The following CFAP58 variants were observed in gnomAD, a reference collection of about 807,000 sequenced individuals.
CFAP58 encodes the protein cilia- and flagella-associated protein 58.
A neutral mutation model predicts 119.5 loss-of-function variants in CFAP58; 88 were observed. The ratio of observed to expected loss-of-function variants is 0.74; its 90% CI spans 0.62 to 0.88. CFAP58 has a LOEUF of 0.88. Among genes scored for constraint, CFAP58 ranks in the 40% least tolerant of loss-of-function variants. The pLI, the probability that CFAP58 is intolerant of heterozygous loss-of-function variation, is 0.00. For synonymous variants in CFAP58, 365 were observed against 366.3 expected, an observed-to-expected ratio of 1.00 and a Z score of 0.04; for missense variants, 990 against 1,021.2, an observed-to-expected ratio of 0.97 and a Z score of 0.42.
At chr10:104,436,633 C>A (rs2012939773) in intron 15 of CFAP58, among the ~76,000 whole-genome samples, 1 of 152,120 alleles carries the variant, frequency 6.6e-6, no homozygotes, top group South Asian at 2.1e-4. Flanking sequence ...AAGGACAGCA[C>A]CAAGCCATGA....
intron 9 of CFAP58, among the ~76,000 whole-genome samples, chr10:104,382,987 C>T (rs1206239100): frequency 6.6e-6 from 1 of 152,174 alleles, no homozygotes; most frequent in East Asian, 1.9e-4. Flanking sequence ...ATGCCAGCTG[C>T]CCAGGTCCCA....
At chr10:104,438,157 C>T (rs1589936122) in intron 15 of CFAP58, among the ~76,000 whole-genome samples, 1 of 152,246 alleles carries the variant, frequency 6.6e-6, no homozygotes, top group East Asian at 1.9e-4. Flanking sequence ...TATTAGTTAT[C>T]TATTGCTCCA....
chr10:104,419,217 A>G lies in CFAP58; in HGVS notation c.2256+12424A>G, dbSNP rs148074988. On this transcript the variant is annotated intron_variant, in intron 15 of 17. Transcript: ENST00000369704. Reference sequence around the variant, plus strand: ...CAGAAAACAGAATGCCAATGCTAGCATAGATGTCCTCCCTGTAGCTGTCTG... The same window carrying G: ...CAGAAAACAGAATGCCAATGCTAGCGTAGATGTCCTCCCTGTAGCTGTCTG... Among the ~76,000 whole-genome samples the G allele has an allele frequency of 1.2e-3, 188 of 152,240 alleles. 2 individuals are homozygous for G. Among genetic ancestry groups the G allele is most frequent in the African/African-American group, 4.1e-3 (171 of 41,538 alleles).
At position 104,392,398 on chromosome 10, in the gene CFAP58, A is replaced by G; in HGVS notation, c.1527+4A>G. The G allele has an allele frequency of 6.4e-7, 1 of 1,562,858 alleles. No homozygotes were observed. Among genetic ancestry groups the G allele is most frequent in the East Asian group, 2.3e-5 (1 of 43,904 alleles). On this transcript the variant is annotated splice_donor_region_variant and intron_variant, in intron 10 of 17. Transcript: ENST00000369704. ...CAAAAATCTGGTTGAGGCTCAGGTA[A>G]ATAATATATTTATATCCTTACATTT...
At chr10:104,439,827 AT>A (rs1260535853) in intron 15 of CFAP58, among the ~76,000 whole-genome samples, 5 of 150,244 alleles carry the variant, frequency 3.3e-5, no homozygotes, top group Middle Eastern at 3.4e-3. Flanking sequence ...CTGATTTACT[AT>A]TTTTTTTTTG....
At chr10:104,426,341 T>G (rs1292815458) in intron 15 of CFAP58, among the ~76,000 whole-genome samples, 1 of 152,162 alleles carries the variant, frequency 6.6e-6, no homozygotes, top group Admixed American at 6.6e-5. Context: ...TCTTTCCTCC[T>G]GGTCAGTGAT....
intron 15 of CFAP58, among the ~76,000 whole-genome samples, chr10:104,418,564 CAA>C (rs2012592074): frequency 6.6e-6 from 1 of 152,150 alleles, no homozygotes; most frequent in South Asian, 2.1e-4. Flanking sequence ...AAAACAAAAT[CAA>C]AAACAAACCT....
intron 5 of CFAP58, among the ~76,000 whole-genome samples, chr10:104,366,843 TTTTATTTTTATTTA>T (rs2014757700): frequency 2.6e-5 from 4 of 151,930 alleles, no homozygotes; most frequent in Admixed American, 2.0e-4. Context: ...TTTTTAACAG[TTTTATTTTTATTTA>T]TTTATTTTTA....
intron 15 of CFAP58, among the ~76,000 whole-genome samples, chr10:104,447,077 T>C (rs960240724): frequency 1.3e-5 from 2 of 151,980 alleles, no homozygotes; most frequent in Non-Finnish European, 1.5e-5. Context: ...GCTCCCTCGA[T>C]CTCCTGGGCT....
intron 15 of CFAP58, among the ~76,000 whole-genome samples, chr10:104,420,969 T>C (rs1235354679): frequency 2.0e-5 from 3 of 152,090 alleles, no homozygotes; most frequent in African/African-American, 2.4e-5. Context: ...CTCAGGCTGG[T>C]CTTGAACTCC....
At chr10:104,353,751 G>GCGACGGGC (rs1203893906), upstream of CFAP58, 1 of 835,514 alleles carries the variant, frequency 1.2e-6, no homozygotes, top group African/African-American at 1.7e-5. Context: ...CCGTTGCCAG[G>GCGACGGGC]CGACGGGCCG....
At chr10:104,417,127 C>G (rs1451873814) in intron 15 of CFAP58, among the ~76,000 whole-genome samples, 1 of 152,216 alleles carries the variant, frequency 6.6e-6, no homozygotes, top group African/African-American at 2.4e-5. Flanking sequence ...AACACTCATG[C>G]TCTAGAAGTT....
chr10:104,438,373 T>TG lies in CFAP58; in HGVS notation c.2257-9324dup, dbSNP rs1491308442. On this transcript the variant is annotated intron_variant, in intron 15 of 17. Transcript: ENST00000369704. ...GTTTTTTTTTTTTGTTTTTTTTTTT[T>TG]GTTTTTTTTTTTTGAGACGGAGTCT... is the stretch of plus-strand genomic sequence containing the variant. Among the ~76,000 whole-genome samples the TG allele has an allele frequency of 1.3e-4, 16 of 122,452 alleles. No homozygotes were observed. In the East Asian group the frequency reaches 3.7e-3, roughly 28 times the overall value. 80.3% of individuals were successfully genotyped at this position (122,452 alleles called of 152,430 possible). A position where few individuals can be genotyped will look rare whatever the true frequency, so the allele number is the denominator to read the frequency against.
chr10:104,402,533 A>G (rs1012140799), intron 13 of CFAP58, among the ~76,000 whole-genome samples: 5 of 152,214 alleles, frequency 3.3e-5, no homozygotes, highest in African/African-American at 9.6e-5. Context: ...GCCCATGTCA[A>G]TGCAAGTGCT....
rs1200982820 is a variant in CFAP58, at chr10:104,403,815, ATG to A, written c.2129_2130del (p.Val710AlafsTer15). The A allele has an allele frequency of 6.2e-7, 1 of 1,610,084 alleles. No individual in the cohort carries two copies. The highest frequency in any genetic ancestry group is 8.5e-7 in the Non-Finnish European group (1 of 1,177,744). ...GAGGAGGAGCTGGAGAATCCCCTGA[ATG>A]TGCACAGATGGAGGAAGCTCGAGGT... On this transcript the variant is annotated frameshift_variant, in exon 14 of 18. Coordinates refer to ENST00000369704, the MANE Select transcript of CFAP58 (RefSeq NM_001008723.2). LOFTEE classifies it high-confidence loss of function.
intron 15 of CFAP58, among the ~76,000 whole-genome samples, chr10:104,434,619 A>T (rs2012901024): frequency 6.6e-6 from 1 of 152,244 alleles, no homozygotes; most frequent in African/African-American, 2.4e-5. Flanking sequence ...AGAGAGAGTC[A>T]GGGCGAGAAA....
intron 15 of CFAP58, among the ~76,000 whole-genome samples, chr10:104,420,655 G>GA (rs922618762): frequency 6.6e-6 from 1 of 150,504 alleles, no homozygotes; most frequent in South Asian, 2.1e-4. Context: ...GTTAAAAAAA[G>GA]AAAAAAAGAG....
chr10:104,386,382 A>AT (rs2011924887), intron 9 of CFAP58, among the ~76,000 whole-genome samples: 7 of 149,796 alleles, frequency 4.7e-5, no homozygotes, highest in African/African-American at 9.7e-5. Flanking sequence ...CATCTCAAAA[A>AT]AAAAAAAATA....
intron 11 of CFAP58, among the ~76,000 whole-genome samples, chr10:104,394,720 A>G (rs1280757355): frequency 6.6e-6 from 1 of 152,240 alleles, no homozygotes; most frequent in Non-Finnish European, 1.5e-5. Context: ...ACAGAAAAAG[A>G]ATAGAAGATT....
Sources: gnomAD v4.1 joint callset for allele counts (sites outside exome capture counted in the v4.1 genomes callset) on GRCh38, gnomAD v4.1.1 for gene constraint, MANE v1.5 for transcripts, NCBI Gene and HGNC (gene_info 2026-07-23, HGNC 2026-07-21) for gene names.